EXOC4: variants seen among roughly 807,000 people sequenced by gnomAD.
The protein encoded by EXOC4 is exocyst complex component 4, also known as SEC8-like 1.
Under a neutral mutation model 107.2 loss-of-function variants are expected in EXOC4, and 71 were observed. The ratio of observed to expected loss-of-function variants is 0.66; its 90% CI spans 0.55 to 0.81. EXOC4 has a LOEUF of 0.81. EXOC4 is among the 30% of genes least tolerant of loss of function. The pLI is 0.00. For missense variants in EXOC4, 1,108 were observed against 1,189.6 expected (o/e 0.93, Z 1.01); for synonymous variants, 456 against 441.2 (o/e 1.03, Z -0.42).
At chr7:134,016,363 A>T (rs1031500930) in intron 17 of EXOC4, among the ~76,000 whole-genome samples, 5 of 152,190 alleles carry the variant, frequency 3.3e-5, no homozygotes, top group Non-Finnish European at 7.4e-5. Context: ...GGGCATGAGA[A>T]GGAAGAGGAG....
intron 10 of EXOC4, among the ~76,000 whole-genome samples, chr7:133,685,516 TATGAAA>T (rs1170310533): frequency 1.3e-5 from 2 of 152,188 alleles, no homozygotes; most frequent in African/African-American, 4.8e-5. Context: ...TTTATAGTAG[TATGAAA>T]ATGGACTAAT....
At chr7:133,398,383 G>A (rs1261529073) in intron 7 of EXOC4, among the ~76,000 whole-genome samples, 1 of 152,134 alleles carries the variant, frequency 6.6e-6, no homozygotes, top group Non-Finnish European at 1.5e-5. Flanking sequence ...TGCACATACA[G>A]TCCTATTATG....
At chr7:133,719,280 G>A (rs972170714) in intron 10 of EXOC4, among the ~76,000 whole-genome samples, 4 of 152,200 alleles carry the variant, frequency 2.6e-5, no homozygotes, top group Middle Eastern at 3.4e-3. Flanking sequence ...ATGAGAAACT[G>A]TAAGTCCATT....
rs116430477 is a variant in EXOC4, at chr7:133,896,972, A to G, written c.1871+1237A>G. On this transcript the variant is annotated intron_variant, in intron 12 of 17. Coordinates refer to ENST00000253861, the MANE Select transcript of EXOC4 (RefSeq NM_021807.4). ...GCCACCACACCCGGCCCAGTTGCCC[A>G]CTATTTAAAGGGGACAATGAGGAGA... 4.5e-3 allele frequency among the ~76,000 whole-genome samples: 638 copies of G among 142,140 alleles called. 14 individuals are homozygous for G. The highest frequency in any genetic ancestry group is 0.017 in the African/African-American group (590 of 34,638). The allele number at this position is 142,140 out of a possible 152,430, so 93.2% of individuals were successfully genotyped here.
chr7:133,428,267 G>A (rs1304586153), intron 7 of EXOC4, among the ~76,000 whole-genome samples: 1 of 152,138 alleles, frequency 6.6e-6, no homozygotes, highest in Middle Eastern at 3.2e-3. Context: ...AAATTTCTCA[G>A]CCACAGTTAA....
At chr7:133,773,245 T>A (rs1796280490) in intron 10 of EXOC4, among the ~76,000 whole-genome samples, 1 of 151,934 alleles carries the variant, frequency 6.6e-6, no homozygotes, top group Non-Finnish European at 1.5e-5. Context: ...AAATTCAAGC[T>A]TTTTCAACCC....
At chr7:133,791,011 GA>G (rs1796692518) in intron 10 of EXOC4, among the ~76,000 whole-genome samples, 1 of 152,232 alleles carries the variant, frequency 6.6e-6, no homozygotes, top group Non-Finnish European at 1.5e-5. Flanking sequence ...TTTAGTGAAA[GA>G]AGACATTTAT....
chr7:133,856,533 A>G (rs907800889), intron 11 of EXOC4, among the ~76,000 whole-genome samples: 5 of 152,204 alleles, frequency 3.3e-5, no homozygotes, highest in African/African-American at 1.2e-4. Flanking sequence ...CTCCTAGTGG[A>G]GTATCCAACA....
chr7:133,560,539 C>T (rs1458107202), intron 9 of EXOC4, among the ~76,000 whole-genome samples: 1 of 152,170 alleles, frequency 6.6e-6, no homozygotes, highest in Non-Finnish European at 1.5e-5. Context: ...CCGCCTTGGC[C>T]TCCCAAAGTG....
At chr7:133,768,429 G>C (rs1307764664) in intron 10 of EXOC4, 1 of 151,940 alleles carries the variant, frequency 6.6e-6, no homozygotes, top group Non-Finnish European at 1.5e-5. Context: ...GTCCAGGAGA[G>C]AGAGGCCCTA....
intron 7 of EXOC4, among the ~76,000 whole-genome samples, chr7:133,407,152 A>G (rs1797240251): frequency 6.6e-6 from 1 of 152,074 alleles, no homozygotes; most frequent in Non-Finnish European, 1.5e-5. Flanking sequence ...CCCTGATCAG[A>G]TGTGGATCTG....
At chr7:133,645,954 G>A (rs1802979594) in intron 10 of EXOC4, among the ~76,000 whole-genome samples, 1 of 152,186 alleles carries the variant, frequency 6.6e-6, no homozygotes, top group African/African-American at 2.4e-5. Flanking sequence ...CTGGCAGGCT[G>A]CCTGTGTTTG....
At chr7:133,674,572 CTG>C (rs1794015481) in intron 10 of EXOC4, among the ~76,000 whole-genome samples, 1 of 152,136 alleles carries the variant, frequency 6.6e-6, no homozygotes, top group Non-Finnish European at 1.5e-5. Context: ...TCTAATGTTT[CTG>C]TGTTACTCCA....
intron 13 of EXOC4, among the ~76,000 whole-genome samples, chr7:133,918,538 G>A (rs766142675): frequency 9.2e-5 from 14 of 152,188 alleles, no homozygotes; most frequent in Non-Finnish European, 1.9e-4. Context: ...TCCTGTGTGT[G>A]TGTTCACATA....
intron 1 of EXOC4, among the ~76,000 whole-genome samples, chr7:133,269,908 C>T (rs192987986): frequency 5.5e-4 from 84 of 152,256 alleles, no homozygotes; most frequent in African/African-American, 1.9e-3. Context: ...ATAAAAAACT[C>T]CATCTCTTTA....
chr7:133,413,794 A>G (rs916043461), intron 7 of EXOC4, among the ~76,000 whole-genome samples: 5 of 152,104 alleles, frequency 3.3e-5, no homozygotes, highest in Admixed American at 2.0e-4. Context: ...GCTGAGAGCT[A>G]TGTTGTCCAA....
At position 133,825,260 on chromosome 7, in the gene EXOC4, T is replaced by C. The variant is rs190854171; in HGVS notation, c.1734+7716T>C. Among the ~76,000 whole-genome samples, 682 of 152,054 alleles carry C rather than the reference T, an allele frequency of 4.5e-3. 23 individuals are homozygous for C. Among genetic ancestry groups the C allele is most frequent in the Admixed American group, 0.042 (634 of 15,272 alleles). ...CTGTAGTCCCAGCTACTCGGGAGGC[T>C]GAGGCAGGAGGGTTGGATCACTTAA... is the stretch of plus-strand genomic sequence containing the variant. On this transcript the variant is annotated intron_variant, in intron 11 of 17. Transcript: ENST00000253861.
intron 10 of EXOC4, among the ~76,000 whole-genome samples, chr7:133,724,554 T>A (rs1316625819): frequency 2.0e-5 from 3 of 152,150 alleles, no homozygotes; most frequent in Admixed American, 6.6e-5. Context: ...CAGAAAAAAA[T>A]TTTGTTCTTT....
chr7:134,030,268 T>TA (rs1351524973), intron 17 of EXOC4, among the ~76,000 whole-genome samples: 1 of 152,218 alleles, frequency 6.6e-6, no homozygotes. Flanking sequence ...CACAGAGACT[T>TA]ACATACAAAT....
Sources: gnomAD v4.1 joint callset for allele counts (sites outside exome capture counted in the v4.1 genomes callset) on GRCh38, gnomAD v4.1.1 for gene constraint, MANE v1.5 for transcripts, NCBI Gene and HGNC (gene_info 2026-07-23, HGNC 2026-07-21) for gene names.